SEMA5A: variants seen among roughly 807,000 people sequenced by gnomAD.
SEMA5A encodes semaphorin-5A.
In SEMA5A, 55 loss-of-function variants were observed where a neutral mutation model predicts 135.5. The ratio of observed to expected loss-of-function variants is 0.41; its 90% confidence interval spans 0.33 to 0.51. The LOEUF is 0.51. Among genes scored for constraint, SEMA5A ranks in the 20% least tolerant of loss-of-function variants. The pLI is 0.37. For synonymous variants in SEMA5A, 580 were observed against 546.5 expected (o/e 1.06, Z -0.85); for missense variants, 1,290 against 1,419.9 (o/e 0.91, Z 1.47).
chr5:9,114,555 A>G (rs1408877006), intron 15 of SEMA5A, among the ~76,000 whole-genome samples: 1 of 152,218 alleles, frequency 6.6e-6, no homozygotes, highest in Non-Finnish European at 1.5e-5. Flanking sequence ...ACTGCATTAC[A>G]CAATGGGTGA....
intron 5 of SEMA5A, among the ~76,000 whole-genome samples, chr5:9,308,659 C>G (rs1223940876): frequency 1.3e-5 from 2 of 152,068 alleles, no homozygotes; most frequent in Non-Finnish European, 2.9e-5. Context: ...AACTATAGGT[C>G]GTATGCTGGC....
chr5:9,370,606 A>G (rs1385016440), intron 3 of SEMA5A, among the ~76,000 whole-genome samples: 1 of 152,264 alleles, frequency 6.6e-6, no homozygotes, highest in African/African-American at 2.4e-5. Context: ...ATAATAAAAA[A>G]GATTCAAGAA....
At chr5:9,510,295 TA>T (rs1368490661) in intron 1 of SEMA5A, among the ~76,000 whole-genome samples, 1 of 152,182 alleles carries the variant, frequency 6.6e-6, no homozygotes, top group Non-Finnish European at 1.5e-5. Flanking sequence ...ACAGTAATAA[TA>T]CAACAAACGT....
intron 16 of SEMA5A, among the ~76,000 whole-genome samples, chr5:9,083,586 T>TC (rs1738512384): frequency 4.4e-5 from 2 of 44,970 alleles, no homozygotes; most frequent in Non-Finnish European, 1.4e-4. Context: ...ATTCATCCAT[T>TC]CATCCATCCA....
In SEMA5A at chr5:9,202,069, T is replaced by A; in HGVS notation, c.818A>T (p.Lys273Met). ...AGGACGGGAGCAGTTCAGGCGAGCCTTCATGAATGTGGTCCAGGTGTCTTC... is the reference window on the plus strand; with the variant it reads ...AGGACGGGAGCAGTTCAGGCGAGCCATCATGAATGTGGTCCAGGTGTCTTC... The part of the protein sequence containing the change: ...LLEDTWTTFM[K>M]ARLNCSRPGE... The change falls in exon 9 of 23, where the codon AAG becomes ATG. Residue 273 changes from lysine (K) to methionine (M), a missense_variant. Lys to Met is a moderately conservative substitution (Grantham distance 95). Transcript: ENST00000382496. 6.2e-7 allele frequency: 1 copy of A among 1,614,212 alleles called. No individual in the cohort carries two copies. Among genetic ancestry groups the A allele is most frequent in the Non-Finnish European group, 8.5e-7 (1 of 1,180,044 alleles).
intron 5 of SEMA5A, among the ~76,000 whole-genome samples, chr5:9,287,850 G>A (rs1374475851): frequency 6.6e-6 from 1 of 152,016 alleles, no homozygotes; most frequent in Non-Finnish European, 1.5e-5. Flanking sequence ...TTATGGCAAA[G>A]TAACTTAAAA....
At chr5:9,522,869 G>C (rs1354164998) in intron 1 of SEMA5A, 1 of 152,212 alleles carries the variant, frequency 6.6e-6, no homozygotes, top group Non-Finnish European at 1.5e-5. Context: ...TTTATGCACT[G>C]AGATAGACGT....
intron 1 of SEMA5A, among the ~76,000 whole-genome samples, chr5:9,480,972 G>A (rs1406810905): frequency 1.3e-5 from 2 of 152,082 alleles, no homozygotes; most frequent in African/African-American, 2.4e-5. Context: ...TTGAGATAGA[G>A]TCTCATTCTG....
In SEMA5A at chr5:9,491,224, G is replaced by A. The variant is rs183161685; in HGVS notation, c.-174-53372C>T. On this transcript the variant is annotated intron_variant, in intron 1 of 22. Coordinates refer to ENST00000382496, the MANE Select transcript of SEMA5A (RefSeq NM_003966.3). The stretch of plus-strand genomic sequence containing the variant: ...ACTAGGAGACAGTAAAAAGATTGGT[G>A]GTTGCCAGGGGCTGAGGGGAGGGAG... 3.6e-3 allele frequency among the ~76,000 whole-genome samples: 546 copies of A among 152,208 alleles called. 2 individuals are homozygous for A. The highest frequency in any genetic ancestry group is 0.012 in the African/African-American group (492 of 41,538).
intron 5 of SEMA5A, among the ~76,000 whole-genome samples, chr5:9,297,375 A>C (rs1309654871): frequency 6.6e-6 from 1 of 152,052 alleles, no homozygotes; most frequent in African/African-American, 2.4e-5. Context: ...GCAGGTGGTG[A>C]TTAGGTCACG....
intron 2 of SEMA5A, among the ~76,000 whole-genome samples, chr5:9,414,244 C>T (rs1334976040): frequency 6.6e-6 from 1 of 152,172 alleles, no homozygotes; most frequent in Non-Finnish European, 1.5e-5. Context: ...ATTTCATTTA[C>T]AATAAATGAA....
At chr5:9,443,188 A>G (rs1758302713) in intron 1 of SEMA5A, among the ~76,000 whole-genome samples, 1 of 152,212 alleles carries the variant, frequency 6.6e-6, no homozygotes, top group African/African-American at 2.4e-5. Context: ...ATAAATCGAC[A>G]GTGGACATTT....
chr5:9,160,312 C>T (rs757956006), intron 11 of SEMA5A, among the ~76,000 whole-genome samples: 4 of 152,066 alleles, frequency 2.6e-5, no homozygotes, highest in Admixed American at 6.6e-5. Flanking sequence ...TCAATGACCC[C>T]CTCCCTCTGT....
intron 10 of SEMA5A, among the ~76,000 whole-genome samples, chr5:9,191,343 C>G (rs1745102904): frequency 6.6e-6 from 1 of 152,098 alleles, no homozygotes; most frequent in South Asian, 2.1e-4. Context: ...CTGTTTCTGG[C>G]AAGGATGAGG....
chr5:9,341,070 G>A (rs757692222), intron 3 of SEMA5A, among the ~76,000 whole-genome samples: 23 of 151,788 alleles, frequency 1.5e-4, no homozygotes, highest in Non-Finnish European at 2.4e-4. Context: ...ATTTCAAAAA[G>A]CATTACATAT....
chr5:9,234,905 T>TA (rs773887653), intron 6 of SEMA5A, among the ~76,000 whole-genome samples: 11 of 152,180 alleles, frequency 7.2e-5, no homozygotes, highest in Admixed American at 2.0e-4. Flanking sequence ...GAGGGTATAT[T>TA]ACCTATCGGT....
intron 5 of SEMA5A, among the ~76,000 whole-genome samples, chr5:9,277,273 T>C (rs1473627503): frequency 1.3e-5 from 2 of 152,208 alleles, no homozygotes; most frequent in African/African-American, 4.8e-5. Flanking sequence ...AGATAACATG[T>C]CATGCCAGTT....
chr5:9,076,042 T>C (rs1372625904), intron 16 of SEMA5A, among the ~76,000 whole-genome samples: 1 of 151,544 alleles, frequency 6.6e-6, no homozygotes, highest in Non-Finnish European at 1.5e-5. Context: ...CCGTCTCTAC[T>C]AAAAATACAA....
At chr5:9,535,572 T>TAA (rs3834273) in intron 1 of SEMA5A, among the ~76,000 whole-genome samples, 22 of 82,914 alleles carry the variant, frequency 2.7e-4, no homozygotes, top group African/African-American at 6.5e-4. Flanking sequence ...ATGTGTTGTT[T>TAA]AAAAAAAAAA....
Sources: allele counts gnomAD v4.1 joint callset (sites outside exome capture counted in the v4.1 genomes callset), GRCh38; gene constraint gnomAD v4.1.1; transcripts MANE v1.5; gene names NCBI Gene and HGNC (gene_info 2026-07-23, HGNC 2026-07-21).